ADAMTS18: variants seen among roughly 807,000 people sequenced by gnomAD.
ADAMTS18 encodes the protein ADAM metallopeptidase with thrombospondin type 1 motif 18.
ADAMTS18 carries 157 observed loss-of-function variants against 165.9 expected under a neutral mutation model. The ratio of observed to expected loss-of-function variants is 0.95; its 90% confidence interval spans 0.83 to 1.08. The LOEUF (loss-of-function observed/expected upper bound fraction) is 1.08, where lower values mean the gene tolerates loss of function less well. Among genes scored for constraint, ADAMTS18 ranks in the 50% least tolerant of loss-of-function variants. ADAMTS18 has a pLI of 0.00. For missense variants in ADAMTS18, 2,040 were observed against 1,534.0 expected, an observed-to-expected ratio of 1.33 and a Z score of -5.51; for synonymous variants, 782 against 578.2, an observed-to-expected ratio of 1.35 and a Z score of -5.06.
At chr16:77,393,735 G>C (rs1875062326) in intron 3 of ADAMTS18, among the ~76,000 whole-genome samples, 1 of 152,170 alleles carries the variant, frequency 6.6e-6, no homozygotes, top group African/African-American at 2.4e-5. Context: ...CATTTCTGCT[G>C]TTTATAAGTT....
chr16:77,335,796 C>CACCACATGA lies in ADAMTS18; in HGVS notation c.1818_1819insTCATGTGGT (p.Gly606_Gly607insSerCysGly). On this transcript the variant is annotated inframe_insertion, in exon 12 of 23. Coordinates refer to ENST00000282849, the MANE Select transcript of ADAMTS18 (RefSeq NM_199355.4). ...TGTCTCTCCTGGAACTTGACTCCTC[C>CACCACATGA]ACCACATGTCCGGGAACATTCTGAC... 6.2e-7 allele frequency: 1 copy of CACCACATGA among 1,614,212 alleles called. No individual in the cohort carries two copies. The highest frequency in any genetic ancestry group is 8.5e-7 in the Non-Finnish European group (1 of 1,180,032).
chr16:77,313,738 T>G (rs2055828646), intron 16 of ADAMTS18, among the ~76,000 whole-genome samples: 4 of 152,180 alleles, frequency 2.6e-5, no homozygotes, highest in Admixed American at 2.6e-4. Flanking sequence ...TTGTGTACAT[T>G]TGCTTTGAGG....
chr16:77,360,249 G>C (rs79143353), intron 7 of ADAMTS18, among the ~76,000 whole-genome samples: 11 of 152,266 alleles, frequency 7.2e-5, no homozygotes, highest in African/African-American at 2.4e-4. Context: ...CATCGTCATC[G>C]TCACTAAATA....
chr16:77,347,970 G>T (rs1225366860), intron 10 of ADAMTS18, among the ~76,000 whole-genome samples: 2 of 152,052 alleles, frequency 1.3e-5, no homozygotes, highest in Non-Finnish European at 2.9e-5. Context: ...TGTATCGTGT[G>T]CTTAAAGTAC....
chr16:77,307,564 T>C (rs769289521), intron 16 of ADAMTS18, among the ~76,000 whole-genome samples: 28 of 152,204 alleles, frequency 1.8e-4, no homozygotes, highest in Non-Finnish European at 4.0e-4. Context: ...GTCACAAAAG[T>C]ATTTGCCATG....
rs374773132 is a variant in ADAMTS18 at position 77,293,056 on chromosome 16, C to T, written c.3189+20G>A. 9 of 1,613,740 alleles carry T rather than the reference C, an allele frequency of 5.6e-6. No homozygotes were observed. The highest frequency in any genetic ancestry group is 1.6e-4 in the Middle Eastern group (1 of 6,080). On this transcript the variant is annotated intron_variant, in intron 20 of 22. Coordinates refer to ENST00000282849, the MANE Select transcript of ADAMTS18 (RefSeq NM_199355.4). The stretch of plus-strand genomic sequence containing the variant: ...GGATGGTCTCAATCTCCTGACCCAG[C>T]AGTGACTTCTAATCCATACCTCGCT...
intron 15 of ADAMTS18, 146 bp from the exon 16 acceptor site, chr16:77,320,239 C>T (rs1057417176): frequency 9.8e-7 from 1 of 1,023,170 alleles, no homozygotes; most frequent in Non-Finnish European, 1.5e-6. Flanking sequence ...ATGAAGTAAA[C>T]ATGATCAATG....
At chr16:77,414,042 T>C (rs1178921380) in intron 3 of ADAMTS18, among the ~76,000 whole-genome samples, 1 of 152,206 alleles carries the variant, frequency 6.6e-6, no homozygotes, top group Non-Finnish European at 1.5e-5. Context: ...ATAGAAACTA[T>C]ATGACCCATA....
At chr16:77,329,818 T>C (rs175567) in intron 12 of ADAMTS18, among the ~76,000 whole-genome samples, 2 of 152,172 alleles carry the variant, frequency 1.3e-5, no homozygotes, top group Non-Finnish European at 1.5e-5. Flanking sequence ...TGTAAGAAGT[T>C]GTTTAATATT....
At chr16:77,382,385 T>C (rs1383284871) in intron 3 of ADAMTS18, among the ~76,000 whole-genome samples, 6 of 152,106 alleles carry the variant, frequency 3.9e-5, no homozygotes, top group Non-Finnish European at 8.8e-5. Context: ...TAATTTTTTG[T>C]ATTTTTAGTA....
At chr16:77,295,210 C>T in intron 18 of ADAMTS18, 83 bp from the exon 19 acceptor site, 1 of 1,388,712 alleles carries the variant, frequency 7.2e-7, no homozygotes, top group Non-Finnish European at 1.0e-6. Context: ...AGGTAAACCA[C>T]CTATGGAAGC....
chr16:77,386,622 T>A (rs889414074), intron 3 of ADAMTS18, among the ~76,000 whole-genome samples: 1 of 152,202 alleles, frequency 6.6e-6, no homozygotes, highest in African/African-American at 2.4e-5. Flanking sequence ...CTGGTGCCTA[T>A]GAACATTTGA....
chr16:77,301,079 G>C (rs187279877), intron 16 of ADAMTS18, among the ~76,000 whole-genome samples: 57 of 152,242 alleles, frequency 3.7e-4, no homozygotes, highest in African/African-American at 1.3e-3. Flanking sequence ...TCAGCAATTG[G>C]AATACATGCA....
intron 10 of ADAMTS18, among the ~76,000 whole-genome samples, chr16:77,347,609 CTGATA>C (rs1463494486): frequency 6.6e-6 from 1 of 151,292 alleles, no homozygotes; most frequent in Non-Finnish European, 1.5e-5. Flanking sequence ...GTCTCCTTCT[CTGATA>C]TATTATTTGA....
intron 16 of ADAMTS18, 134 bp downstream of exon 16, chr16:77,319,715 T>A (rs2055953925): frequency 2.1e-6 from 3 of 1,441,752 alleles, no homozygotes; most frequent in Admixed American, 1.7e-5. Flanking sequence ...AGTGCTGGGA[T>A]TACAGGCATG....
At chr16:77,413,820 A>AAG (rs1555527456) in intron 3 of ADAMTS18, among the ~76,000 whole-genome samples, 1 of 150,464 alleles carries the variant, frequency 6.6e-6, no homozygotes, top group Non-Finnish European at 1.5e-5. Context: ...AAAAAAAAAA[A>AAG]GCAAAAGTTA....
In ADAMTS18 at chr16:77,316,372, A is replaced by T. The variant is rs532889123; in HGVS notation, c.2532+3477T>A. Among the ~76,000 whole-genome samples, 296 of 151,710 alleles carry T rather than the reference A, an allele frequency of 2.0e-3. 3 individuals carry two copies. Among genetic ancestry groups the T allele is most frequent in the Middle Eastern group, 0.017 (5 of 294 alleles). ...TGGGTTCAAGTGCTTCTTCTGCCTCAGCCTGTTGAGTAGCTGGGACTATAG... is the reference window on the plus strand; with the variant it reads ...TGGGTTCAAGTGCTTCTTCTGCCTCTGCCTGTTGAGTAGCTGGGACTATAG... On this transcript the variant is annotated intron_variant, in intron 16 of 22. Coordinates refer to ENST00000282849, the MANE Select transcript of ADAMTS18 (RefSeq NM_199355.4).
intron 12 of ADAMTS18, among the ~76,000 whole-genome samples, chr16:77,330,146 G>A (rs547940808): frequency 6.6e-6 from 1 of 152,198 alleles, no homozygotes; most frequent in East Asian, 1.9e-4. Flanking sequence ...ATTACTGGTG[G>A]GAAAATACAC....
At chr16:77,320,547 G>A (rs1413997817) in intron 15 of ADAMTS18, among the ~76,000 whole-genome samples, 1 of 152,018 alleles carries the variant, frequency 6.6e-6, no homozygotes, top group Non-Finnish European at 1.5e-5. Flanking sequence ...GGTGAGGCAG[G>A]AGAATTGCTT....
Sources: gnomAD v4.1 joint callset for allele counts (sites outside exome capture counted in the v4.1 genomes callset) on GRCh38, gnomAD v4.1.1 for gene constraint, MANE v1.5 for transcripts, NCBI Gene and HGNC (gene_info 2026-07-23, HGNC 2026-07-21) for gene names.